TMTC2: variants seen among roughly 807,000 people sequenced by gnomAD.
TMTC2 encodes transmembrane O-mannosyltransferase targeting cadherins 2.
In TMTC2, 43 loss-of-function variants were observed where a neutral mutation model predicts 82.4. The observed-to-expected ratio is 0.52, with a 90% CI of 0.41 to 0.67. TMTC2 has a LOEUF of 0.67. TMTC2 is among the 30% of genes least tolerant of loss of function. The pLI, the probability that TMTC2 is intolerant of heterozygous loss-of-function variation, is 0.00. For synonymous variants in TMTC2, 408 were observed against 381.9 expected, an observed-to-expected ratio of 1.07 and a Z score of -0.80; for missense variants, 919 against 1,012.4, an observed-to-expected ratio of 0.91 and a Z score of 1.25.
intron 8 of TMTC2, among the ~76,000 whole-genome samples, chr12:83,029,847 T>A (rs1311105386): frequency 1.3e-5 from 2 of 152,200 alleles, no homozygotes; most frequent in African/African-American, 2.4e-5. Context: ...GAAAAATCAA[T>A]TTGTTGTATG....
chr12:82,968,831 T>C (rs898751440), intron 7 of TMTC2, among the ~76,000 whole-genome samples: 3 of 152,164 alleles, frequency 2.0e-5, no homozygotes, highest in African/African-American at 4.8e-5. Context: ...ATCTTTTGTC[T>C]CATTTTCCAT....
chr12:82,880,920 T>C (rs1442592714), intron 2 of TMTC2, among the ~76,000 whole-genome samples: 1 of 152,348 alleles, frequency 6.6e-6, no homozygotes, highest in African/African-American at 2.4e-5. Flanking sequence ...TTAGTGCTAA[T>C]TGGAGCTATG....
chr12:82,974,360 T>G (rs1878576814), intron 7 of TMTC2, among the ~76,000 whole-genome samples: 1 of 152,248 alleles, frequency 6.6e-6, no homozygotes, highest in Non-Finnish European at 1.5e-5. Context: ...TTTAGAAAAT[T>G]GTGATTTTAT....
intron 3 of TMTC2, among the ~76,000 whole-genome samples, chr12:82,910,468 C>G (rs1215797201): frequency 6.6e-6 from 1 of 152,302 alleles, no homozygotes; most frequent in South Asian, 2.1e-4. Context: ...TTACAGTATG[C>G]TCCTTTAGTT....
chr12:82,836,126 T>A (rs1350434156), intron 1 of TMTC2, among the ~76,000 whole-genome samples: 1 of 146,638 alleles, frequency 6.8e-6, no homozygotes, highest in Non-Finnish European at 1.5e-5. Context: ...AACTTCGTAA[T>A]GCCTCTGGAG....
Position 82,904,247 on chromosome 12 carries a change from A to AT in TMTC2, c.1483+7609dup, listed in dbSNP as rs57364832. 4.7e-3 allele frequency among the ~76,000 whole-genome samples: 712 copies of AT among 152,010 alleles called. 4 individuals carry two copies. The highest frequency in any genetic ancestry group is 0.016 in the African/African-American group (677 of 41,456). On this transcript the variant is annotated intron_variant, in intron 3 of 11. Coordinates refer to ENST00000321196, the MANE Select transcript of TMTC2 (RefSeq NM_152588.3). ...TTCTGAGATTACAGATGGAGTTAGG[A>AT]TTTTTTTTCTTCCTTTGAAAGCCTT... is the stretch of plus-strand genomic sequence containing the variant.
At chr12:83,072,705 G>C (rs1479889703) in intron 11 of TMTC2, among the ~76,000 whole-genome samples, 1 of 152,082 alleles carries the variant, frequency 6.6e-6, no homozygotes, top group East Asian at 1.9e-4. Context: ...ATATGTTTAG[G>C]ATTGTGGTAT....
At chr12:82,858,860 T>C (rs938821222) in intron 2 of TMTC2, among the ~76,000 whole-genome samples, 1 of 152,228 alleles carries the variant, frequency 6.6e-6, no homozygotes. Context: ...AAATCAATTT[T>C]AATTCTTTCA....
At chr12:82,927,146 G>A (rs1273347553) in intron 3 of TMTC2, among the ~76,000 whole-genome samples, 1 of 152,108 alleles carries the variant, frequency 6.6e-6, no homozygotes, top group African/African-American at 2.4e-5. Context: ...TAAAGTAAAT[G>A]GAAAACTTTT....
chr12:82,857,681 ATT>A, intron 2 of TMTC2, 101 bp downstream of exon 2: 1 of 1,127,784 alleles, frequency 8.9e-7, no homozygotes, highest in Non-Finnish European at 1.2e-6. Flanking sequence ...TGCAAGCGGA[ATT>A]TAAAATAAGT....
At chr12:83,056,829 G>A (rs1882562213) in intron 10 of TMTC2, among the ~76,000 whole-genome samples, 1 of 151,946 alleles carries the variant, frequency 6.6e-6, no homozygotes, top group African/African-American at 2.4e-5. Context: ...GGTGGCAGAT[G>A]AGGTTGAAGG....
intron 11 of TMTC2, among the ~76,000 whole-genome samples, chr12:83,107,396 T>C (rs1048106556): frequency 6.6e-6 from 1 of 152,168 alleles, no homozygotes; most frequent in Non-Finnish European, 1.5e-5. Context: ...GTGAAGGTCT[T>C]CTTGCTGCAT....
intron 1 of TMTC2, among the ~76,000 whole-genome samples, chr12:82,715,583 T>C (rs962941184): frequency 1.3e-5 from 2 of 151,998 alleles, no homozygotes; most frequent in African/African-American, 4.8e-5. Flanking sequence ...GCAGTAAGAG[T>C]TCAGTGAATG....
intron 2 of TMTC2, among the ~76,000 whole-genome samples, chr12:82,864,668 A>AT (rs1358259542): frequency 6.6e-6 from 1 of 150,474 alleles, no homozygotes; most frequent in African/African-American, 2.4e-5. Context: ...TGCCCAGCTA[A>AT]TTTTTTGTAT....
chr12:82,977,549 A>C (rs1878728854), intron 7 of TMTC2, among the ~76,000 whole-genome samples: 1 of 151,884 alleles, frequency 6.6e-6, no homozygotes, highest in African/African-American at 2.4e-5. Context: ...GGAAAGAATA[A>C]CATCAGATAC....
chr12:82,790,892 C>T (rs1186205843), intron 1 of TMTC2, among the ~76,000 whole-genome samples: 2 of 151,584 alleles, frequency 1.3e-5, no homozygotes, highest in Non-Finnish European at 2.9e-5. Context: ...CTCCCTGCCT[C>T]TTTCCCTTTA....
In TMTC2 at chr12:82,845,343, A is replaced by G. The variant is rs976882293; in HGVS notation, c.84-11667A>G. On this transcript the variant is annotated intron_variant, in intron 1 of 11. Transcript: ENST00000321196. ...CTCAAGACCTTATTGTAGGGGAAAC[A>G]TAGTATTAGATGTAAAAATTTTGAA... Among the ~76,000 whole-genome samples the G allele has an allele frequency of 7.3e-5, 11 of 149,784 alleles. No homozygotes were observed. The East Asian group carries it at 1.9e-3, about 26-fold the overall frequency.
At chr12:82,797,675 T>A (rs1208538523) in intron 1 of TMTC2, among the ~76,000 whole-genome samples, 1 of 152,118 alleles carries the variant, frequency 6.6e-6, no homozygotes, top group Admixed American at 6.6e-5. Context: ...TAGGCGCTGG[T>A]TTATCAAGCT....
intron 9 of TMTC2, among the ~76,000 whole-genome samples, chr12:83,038,893 T>A (rs2137436045): frequency 6.6e-6 from 1 of 151,456 alleles, no homozygotes; most frequent in Admixed American, 6.6e-5. Flanking sequence ...GAAGGACAAA[T>A]ACTTTAATAA....
Sources: allele counts gnomAD v4.1 joint callset (sites outside exome capture counted in the v4.1 genomes callset), GRCh38; gene constraint gnomAD v4.1.1; transcripts MANE v1.5; gene names NCBI Gene and HGNC (gene_info 2026-07-23, HGNC 2026-07-21).